The following ZIM2 variants were observed in gnomAD, a reference collection of about 807,000 sequenced individuals.
ZIM2 encodes the protein zinc finger imprinted 2.
A neutral mutation model predicts 38.6 loss-of-function variants in ZIM2; 14 were observed. The ratio of observed to expected loss-of-function variants is 0.36; its 90% CI spans 0.24 to 0.57. ZIM2 has a LOEUF of 0.57. ZIM2 is among the 20% of genes least tolerant of loss of function. The probability of loss-of-function intolerance (pLI) is 0.81; values close to 1 mark genes in which losing one functional copy is unlikely to be tolerated. For synonymous variants in ZIM2, 247 were observed against 245.8 expected (o/e 1.00, Z -0.04); for missense variants, 680 against 695.1 (o/e 0.98, Z 0.24).
intron 2 of ZIM2, among the ~76,000 whole-genome samples, chr19:56,832,232 T>C (rs1246098304): frequency 2.6e-5 from 4 of 152,224 alleles, no homozygotes; most frequent in Admixed American, 2.6e-4. Context: ...TTTGTTTTCC[T>C]TCCTGCCCAG....
At chr19:56,785,780 C>T (rs1475102137) in intron 10 of ZIM2, among the ~76,000 whole-genome samples, 3 of 152,212 alleles carry the variant, frequency 2.0e-5, no homozygotes, top group Non-Finnish European at 2.9e-5. Flanking sequence ...GCACACAAAT[C>T]ACCTGGGGAT....
chr19:56,810,551 A>G lies in ZIM2; in HGVS notation c.490+7195T>C, dbSNP rs554482612. 2.8e-5 allele frequency: 27 copies of G among 965,772 alleles called. No homozygotes were observed. The South Asian group carries it at 8.6e-4, about 31-fold the overall frequency. The allele number at this position is 965,772 out of a possible 1,614,324, so 59.8% of individuals were successfully genotyped here. A position where few individuals can be genotyped will look rare whatever the true frequency, so the allele number is the denominator to read the frequency against. On this transcript the variant is annotated intron_variant, in intron 9 of 12. Transcript: ENST00000629319. Reference sequence around the variant, plus strand: ...GTGAATTTTCTTTACTGAATTTCCAAAGTTTTGTATGAGTATGTATTATAT... The same window carrying G: ...GTGAATTTTCTTTACTGAATTTCCAGAGTTTTGTATGAGTATGTATTATAT...
chr19:56,811,552 G>C (rs2059542195), intron 9 of ZIM2: 1 of 985,148 alleles, frequency 1.0e-6, no homozygotes, highest in African/African-American at 1.7e-5. Flanking sequence ...CTGAAGGTTG[G>C]AACGGACACC....
intron 9 of ZIM2, among the ~76,000 whole-genome samples, chr19:56,808,403 C>T (rs2047865167): frequency 6.6e-6 from 1 of 152,134 alleles, no homozygotes; most frequent in South Asian, 2.1e-4. Context: ...ACGAGGCATG[C>T]AGTAAGTCAG....
chr19:56,833,187 A>T, intron 2 of ZIM2: 1 of 516,600 alleles, frequency 1.9e-6, no homozygotes, highest in Non-Finnish European at 3.9e-6. Flanking sequence ...CATCTGATGC[A>T]GGAGAAAATC....
intron 9 of ZIM2, chr19:56,799,795 C>G (rs536010933): frequency 6.6e-6 from 1 of 152,196 alleles, no homozygotes; most frequent in Admixed American, 6.5e-5. Context: ...AGGTGTCAAT[C>G]AATAGTAGAA....
At chr19:56,825,976 C>T (rs887460268) in intron 3 of ZIM2, among the ~76,000 whole-genome samples, 4 of 152,198 alleles carry the variant, frequency 2.6e-5, no homozygotes, top group African/African-American at 4.8e-5. Flanking sequence ...TGCCCTCCCA[C>T]GCTCTCTCCT....
intron 3 of ZIM2, among the ~76,000 whole-genome samples, chr19:56,825,735 C>A (rs1417917518): frequency 6.6e-6 from 1 of 152,148 alleles, no homozygotes; most frequent in Non-Finnish European, 1.5e-5. Context: ...ACTGGCTTTA[C>A]TTCCAGAGAA....
intron 6 of ZIM2, 142 bp downstream of exon 6, chr19:56,822,611 G>C (rs1194749918): frequency 8.7e-7 from 1 of 1,148,376 alleles, no homozygotes; most frequent in Admixed American, 2.3e-5. Flanking sequence ...AAAAATACGA[G>C]CCTTGGACTA....
chr19:56,813,401 C>T lies in ZIM2; in HGVS notation c.490+4345G>A, dbSNP rs1294824563. On this transcript the variant is annotated intron_variant, in intron 9 of 12. Coordinates refer to ENST00000629319, the MANE Select transcript of ZIM2 (RefSeq NM_001387356.1). ...TGGGCAAACTCTGTAGTCTGGAATACTCATAGGGTTTTCTCAATCTGATTA... is the reference window on the plus strand; with the variant it reads ...TGGGCAAACTCTGTAGTCTGGAATATTCATAGGGTTTTCTCAATCTGATTA... 7 of 1,251,306 alleles carry T rather than the reference C, an allele frequency of 5.6e-6. No homozygotes were observed. In the Admixed American group the frequency reaches 2.2e-4, roughly 40 times the overall value. 77.5% of individuals were successfully genotyped at this position (1,251,306 alleles called of 1,614,324 possible). A position where few individuals can be genotyped will look rare whatever the true frequency, so the allele number is the denominator to read the frequency against.
At chr19:56,787,519 T>G (rs983574039) in intron 10 of ZIM2, among the ~76,000 whole-genome samples, 1 of 152,130 alleles carries the variant, frequency 6.6e-6, no homozygotes, top group African/African-American at 2.4e-5. Flanking sequence ...CAGGTGATCC[T>G]CCCACCTTGG....
chr19:56,840,068 A>AGGCCGATGGCACCCCGC (rs2062815681), intron 1 of ZIM2, among the ~76,000 whole-genome samples: 1 of 152,188 alleles, frequency 6.6e-6, no homozygotes, highest in Admixed American at 6.5e-5. Context: ...CGGCGCCGCG[A>AGGCCGATGGCACCCCGC]GGCCGATGGC....
At chr19:56,802,140 A>C (rs1281282534) in intron 9 of ZIM2, among the ~76,000 whole-genome samples, 1 of 152,184 alleles carries the variant, frequency 6.6e-6, no homozygotes, top group Non-Finnish European at 1.5e-5. Flanking sequence ...CAGATGGTCC[A>C]AGTAGTAAAA....
rs761317189 is a variant in ZIM2 at position 56,836,019 on chromosome 19, T to C, written c.-228A>G. On this transcript the variant is annotated splice_region_variant and 5_prime_UTR_variant, in exon 2 of 13. Transcript: ENST00000629319. ...CTGTGAGGAGGAAATTCAACTCACCTGGACCCAGCCACCTAGCGTTTGGAC... is the reference window on the plus strand; with the variant it reads ...CTGTGAGGAGGAAATTCAACTCACCCGGACCCAGCCACCTAGCGTTTGGAC... The C allele has an allele frequency of 8.0e-5, 41 of 512,044 alleles. No homozygotes were observed. Among genetic ancestry groups the C allele is most frequent in the South Asian group, 5.5e-4 (38 of 69,558 alleles). 31.7% of individuals were successfully genotyped at this position (512,044 alleles called of 1,614,324 possible).
Position 56,789,980 on chromosome 19 carries a change from T to C in ZIM2, c.491-29A>G, listed in dbSNP as rs773135732. ...GAAGGGAGAGAGGAATACCATGGAA[T>C]TGAGTCCTGTCTGGTAGCACTGACA... On this transcript the variant is annotated intron_variant, in intron 9 of 12. Transcript: ENST00000629319. 7.3e-6 allele frequency: 11 copies of C among 1,502,440 alleles called. No homozygotes were observed. The East Asian group carries it at 1.4e-4, about 19-fold the overall frequency. 93.1% of individuals were successfully genotyped at this position (1,502,440 alleles called of 1,614,324 possible).
intron 9 of ZIM2, chr19:56,811,965 T>C: frequency 1.0e-6 from 1 of 985,390 alleles, no homozygotes; most frequent in Non-Finnish European, 1.2e-6. Context: ...AGCTCTACAA[T>C]CTTCCTAAAC....
chr19:56,813,852 C>T lies in ZIM2; in HGVS notation c.490+3894G>A, dbSNP rs140891968. Reference sequence around the variant, plus strand: ...AGGCATTTGCAGGCTCAAATATGATCATGCTGGCATGAGTTTTCAGGTGTT... The same window carrying T: ...AGGCATTTGCAGGCTCAAATATGATTATGCTGGCATGAGTTTTCAGGTGTT... On this transcript the variant is annotated intron_variant, in intron 9 of 12. Coordinates refer to ENST00000629319, the MANE Select transcript of ZIM2 (RefSeq NM_001387356.1). The T allele has an allele frequency of 6.2e-6, 10 of 1,614,076 alleles. No individual in the cohort carries two copies. In the African/African-American group the frequency reaches 1.2e-4, roughly 19 times the overall value.
At chr19:56,834,922 G>GC (rs1467344350) in intron 2 of ZIM2, among the ~76,000 whole-genome samples, 6 of 152,138 alleles carry the variant, frequency 3.9e-5, no homozygotes, top group Admixed American at 3.9e-4. Context: ...CCTGGATCAG[G>GC]CCCAGTATCA....
intron 12 of ZIM2, among the ~76,000 whole-genome samples, chr19:56,775,959 GGC>G: frequency 6.6e-6 from 1 of 151,936 alleles, no homozygotes; most frequent in Non-Finnish European, 1.5e-5. Context: ...AAATTAACTG[GGC>G]ATGGTGGCGC....
Sources: allele counts gnomAD v4.1 joint callset (sites outside exome capture counted in the v4.1 genomes callset), GRCh38; gene constraint gnomAD v4.1.1; transcripts MANE v1.5; gene names NCBI Gene and HGNC (gene_info 2026-07-23, HGNC 2026-07-21).